ACSM5: variants seen among roughly 807,000 people sequenced by gnomAD.
The protein encoded by ACSM5 is acyl-coenzyme A synthetase ACSM5, mitochondrial.
A neutral mutation model predicts 71.6 loss-of-function variants in ACSM5; 56 were observed. That is an observed-to-expected ratio of 0.78 (90% CI 0.63 to 0.98). The LOEUF is 0.98. Ranked by LOEUF, ACSM5 falls within the 50% of genes least tolerant of loss-of-function variation. ACSM5 has a pLI of 0.00. For missense variants in ACSM5, 723 were observed against 726.0 expected (o/e 1.00, Z 0.05); for synonymous variants, 285 against 281.5 (o/e 1.01, Z -0.12).
At position 20,439,901 on chromosome 16, in the gene ACSM5, A is replaced by G. The variant is rs112747866; in HGVS notation, c.1638A>G (p.Pro546=). ...AGCATGTGAAAAGGGTGACTGCTCC[A>G]TACAAATACCCCAGGAAGGTAAATA... ...LQEHVKRVTA[P]YKYPRKVAFV... The change falls in exon 13 of 14, where the codon CCA becomes CCG. Residue 546 remains proline, a synonymous_variant. Coordinates refer to ENST00000331849, the MANE Select transcript of ACSM5 (RefSeq NM_017888.3). The G allele has an allele frequency of 1.1e-5, 17 of 1,612,320 alleles. No homozygotes were observed. The Middle Eastern group carries it at 8.3e-4, about 79-fold the overall frequency.
intron 2 of ACSM5, among the ~76,000 whole-genome samples, chr16:20,414,041 T>C (rs1966852124): frequency 6.6e-6 from 1 of 152,106 alleles, no homozygotes; most frequent in African/African-American, 2.4e-5. Flanking sequence ...TCTGGGGAGT[T>C]GTGGGGAATG....
At chr16:20,438,560 T>A (rs1172929250) in intron 12 of ACSM5, among the ~76,000 whole-genome samples, 1 of 151,800 alleles carries the variant, frequency 6.6e-6, no homozygotes, top group Admixed American at 6.6e-5. Context: ...AACGTATGCC[T>A]AGTTCTGCAT....
At position 20,431,201 on chromosome 16, in the gene ACSM5, G is replaced by A. The variant is rs1188812452; in HGVS notation, c.1207-19G>A. On this transcript the variant is annotated intron_variant, in intron 9 of 13. Coordinates refer to ENST00000331849, the MANE Select transcript of ACSM5 (RefSeq NM_017888.3). ...TGTAGACACTCACGTATGCACCTCT[G>A]TGATGATTTCCTTACCAGATTGTGG... 10 of 1,611,772 alleles carry A rather than the reference G, an allele frequency of 6.2e-6. No homozygotes were observed. Among genetic ancestry groups the A allele is most frequent in the Admixed American group, 5.0e-5 (3 of 59,996 alleles).
intron 12 of ACSM5, among the ~76,000 whole-genome samples, chr16:20,438,574 G>T (rs183410609): frequency 6.6e-6 from 1 of 151,744 alleles, no homozygotes; most frequent in Non-Finnish European, 1.5e-5. Context: ...TCTGCATGCC[G>T]TGAGTTAACT....
In ACSM5 at chr16:20,438,207, A is replaced by G. The variant is rs191120670; in HGVS notation, c.1536+840A>G. ...TAACAGGCAGACTTAGGTACTTTTC[A>G]CTGGCTTACATCCAACATAATCCTA... On this transcript the variant is annotated intron_variant, in intron 12 of 13. Transcript: ENST00000331849. 1.2e-4 allele frequency among the ~76,000 whole-genome samples: 19 copies of G among 152,030 alleles called. 1 individual carries two copies. The East Asian group carries it at 3.7e-3, about 29-fold the overall frequency.
intron 10 of ACSM5, among the ~76,000 whole-genome samples, chr16:20,435,409 C>G (rs1596624095): frequency 6.6e-6 from 1 of 152,302 alleles, no homozygotes; most frequent in South Asian, 2.1e-4. Context: ...ATACACATCT[C>G]AGAGATTTTG....
At chr16:20,420,696 C>T in intron 4 of ACSM5, among the ~76,000 whole-genome samples, 1 of 152,172 alleles carries the variant, frequency 6.6e-6, no homozygotes, top group Admixed American at 6.5e-5. Context: ...ACTAGAATTA[C>T]TGAGAAGCAT....
At chr16:20,432,985 G>C (rs1967130352) in intron 10 of ACSM5, among the ~76,000 whole-genome samples, 1 of 149,898 alleles carries the variant, frequency 6.7e-6, no homozygotes, top group African/African-American at 2.5e-5. Context: ...AGTCTCCCAA[G>C]TAACTGGGAC....
At chr16:20,427,024 C>T (rs537208784) in intron 6 of ACSM5, among the ~76,000 whole-genome samples, 4 of 139,792 alleles carry the variant, frequency 2.9e-5, no homozygotes, top group East Asian at 2.4e-4. Context: ...CACTGGTGGC[C>T]GGGCACAGTG....
chr16:20,414,585 T>A (rs143668696), intron 2 of ACSM5, among the ~76,000 whole-genome samples: 1 of 152,370 alleles, frequency 6.6e-6, no homozygotes. Context: ...TGTTGTTTTA[T>A]GCAATTAAGT....
chr16:20,429,591 T>C, intron 7 of ACSM5, 87 bp from the exon 8 acceptor site: 2 of 1,570,166 alleles, frequency 1.3e-6, no homozygotes, highest in Non-Finnish European at 1.7e-6. Context: ...CTAGTGCCTG[T>C]GGTGTTTGCA....
intron 2 of ACSM5, among the ~76,000 whole-genome samples, chr16:20,412,536 T>C (rs897929347): frequency 1.3e-5 from 2 of 152,204 alleles, no homozygotes; most frequent in African/African-American, 4.8e-5. Flanking sequence ...GTTGGGTCTC[T>C]CTATTTCATG....
intron 6 of ACSM5, 53 bp downstream of exon 6, chr16:20,424,122 G>A: frequency 1.9e-6 from 3 of 1,593,258 alleles, no homozygotes; most frequent in Non-Finnish European, 2.6e-6. Context: ...AATGAGATGA[G>A]TGGGATATAG....
chr16:20,437,830 T>G (rs984563838), intron 12 of ACSM5, among the ~76,000 whole-genome samples: 5 of 125,962 alleles, frequency 4.0e-5, no homozygotes, highest in Admixed American at 2.5e-4. Context: ...GAGAAATCCT[T>G]TTTTTTTTTT....
At chr16:20,413,756 C>G (rs1966851690) in intron 2 of ACSM5, among the ~76,000 whole-genome samples, 1 of 152,166 alleles carries the variant, frequency 6.6e-6, no homozygotes, top group African/African-American at 2.4e-5. Flanking sequence ...GCACTTCTGG[C>G]AGACTGAGAG....
Position 20,423,991 on chromosome 16 carries a change from T to C in ACSM5, c.843T>C (p.Thr281=). 1.2e-6 allele frequency: 2 copies of C among 1,614,202 alleles called. No homozygotes were observed. The highest frequency in any genetic ancestry group is 1.7e-6 in the Non-Finnish European group (2 of 1,180,020). ...TDTGWVKAAW[T]LFSAWPNGSC... ...CTGGCTGGGTGAAGGCAGCCTGGACTCTCTTCTCTGCCTGGCCTAATGGAT... is the reference window on the plus strand; with the variant it reads ...CTGGCTGGGTGAAGGCAGCCTGGACCCTCTTCTCTGCCTGGCCTAATGGAT... The change falls in exon 6 of 14, where the codon ACT becomes ACC. Residue 281 remains threonine (T), a synonymous_variant. Transcript: ENST00000331849.
intron 5 of ACSM5, among the ~76,000 whole-genome samples, chr16:20,423,643 A>G (rs1966920907): frequency 6.6e-6 from 1 of 152,234 alleles, no homozygotes; most frequent in Non-Finnish European, 1.5e-5. Flanking sequence ...CTTAGCACAG[A>G]GTATTGAGGT....
chr16:20,423,094 T>C (rs1290057213), intron 5 of ACSM5, among the ~76,000 whole-genome samples: 2 of 152,190 alleles, frequency 1.3e-5, no homozygotes, highest in African/African-American at 4.8e-5. Context: ...AGTGTAAAGA[T>C]GGTATTTCAT....
chr16:20,422,592 G>C (rs1446043849), intron 5 of ACSM5, among the ~76,000 whole-genome samples: 1 of 152,174 alleles, frequency 6.6e-6, no homozygotes, highest in African/African-American at 2.4e-5. Context: ...GTAATTCTAT[G>C]TTTAATTTTT....
Sources: allele counts gnomAD v4.1 joint callset (sites outside exome capture counted in the v4.1 genomes callset), GRCh38; gene constraint gnomAD v4.1.1; transcripts MANE v1.5; gene names NCBI Gene and HGNC (gene_info 2026-07-23, HGNC 2026-07-21).